ENPP3: variants seen among roughly 807,000 people sequenced by gnomAD.
ENPP3 encodes the protein ectonucleotide pyrophosphatase/phosphodiesterase 3.
A neutral mutation model predicts 117.8 loss-of-function variants in ENPP3; 104 were observed. The observed-to-expected ratio is 0.88, with a 90% CI of 0.75 to 1.04. ENPP3 has a LOEUF of 1.04. ENPP3 is among the 50% of genes least tolerant of loss of function. The pLI, the probability that ENPP3 is intolerant of heterozygous loss-of-function variation, is 0.00. For synonymous variants in ENPP3, 380 were observed against 349.9 expected (o/e 1.09, Z -0.96); for missense variants, 1,026 against 1,051.9 (o/e 0.98, Z 0.34).
rs539594236 is a variant in ENPP3 at position 131,719,159 on chromosome 6, G to A, written c.1479+421G>A. Among the ~76,000 whole-genome samples, 4 of 152,074 alleles carry A rather than the reference G, an allele frequency of 2.6e-5. No individual in the cohort carries two copies. The East Asian group carries it at 5.8e-4, about 22-fold the overall frequency. ...GGGGGCAGTAAGAAACTTTAAATAGGGTGGAAAGAGTAAGAGTCATTGAGT... is the reference window on the plus strand; with the variant it reads ...GGGGGCAGTAAGAAACTTTAAATAGAGTGGAAAGAGTAAGAGTCATTGAGT... On this transcript the variant is annotated intron_variant, in intron 16 of 24. Coordinates refer to ENST00000357639, the MANE Select transcript of ENPP3 (RefSeq NM_005021.5).
chr6:131,673,408 G>C (rs1165698525), intron 7 of ENPP3, among the ~76,000 whole-genome samples: 1 of 152,152 alleles, frequency 6.6e-6, no homozygotes, highest in Non-Finnish European at 1.5e-5. Flanking sequence ...AATGGAGCTG[G>C]AGACTATCAT....
intron 6 of ENPP3, among the ~76,000 whole-genome samples, chr6:131,670,675 C>T (rs1418322464): frequency 6.6e-6 from 1 of 151,918 alleles, no homozygotes; most frequent in Non-Finnish European, 1.5e-5. Flanking sequence ...AATTTTTATA[C>T]AGAAATGGGG....
Position 131,676,800 on chromosome 6 carries a change from A to T in ENPP3, c.937A>T (p.Arg313Ter). The T allele has an allele frequency of 6.2e-7, 1 of 1,604,544 alleles. No individual in the cohort carries two copies. Among genetic ancestry groups the T allele is most frequent in the Non-Finnish European group, 8.5e-7 (1 of 1,171,382 alleles). Residue 313 changes from arginine to a stop codon, truncating the protein, a stop_gained and splice_region_variant, in exon 10 of 25, where the codon AGA becomes TGA. Coordinates refer to ENST00000357639, the MANE Select transcript of ENPP3 (RefSeq NM_005021.5). LOFTEE classifies it high-confidence loss of function. ...ATGGCTGGACCTGCCCAAAGCTGAAAGGTAATGTCTAGTGTCAGAAAAGTG... is the reference window on the plus strand; with the variant it reads ...ATGGCTGGACCTGCCCAAAGCTGAATGGTAATGTCTAGTGTCAGAAAAGTG... ...LKWLDLPKAE[R>*]PRFYTMYFEE...
intron 1 of ENPP3, among the ~76,000 whole-genome samples, chr6:131,639,680 G>T (rs2114278121): frequency 6.6e-6 from 1 of 152,230 alleles, no homozygotes; most frequent in East Asian, 1.9e-4. Context: ...CCCAGTTAAA[G>T]CCAAATGATG....
chr6:131,742,244 T>G (rs1377927252), intron 24 of ENPP3, among the ~76,000 whole-genome samples: 1 of 152,146 alleles, frequency 6.6e-6, no homozygotes, highest in Admixed American at 6.6e-5. Flanking sequence ...TTTGTTTGGT[T>G]GAGACAAGGG....
In ENPP3 at chr6:131,726,195, C is replaced by A; in HGVS notation, c.1948C>A (p.Gln650Lys). ...CATGTGGAGTTCATACACAGTCCCCCAGTTGGTAAGTTCCTGAGTCCATTG... is the reference window on the plus strand; with the variant it reads ...CATGTGGAGTTCATACACAGTCCCCAAGTTGGTAAGTTCCTGAGTCCATTG... ...MPMWSSYTVP[Q>K]LGDTSPLPPT... The change falls in exon 20 of 25, where the codon CAG becomes AAG. Residue 650 changes from glutamine to lysine, a missense_variant. Physicochemically the swap from Gln to Lys is moderately conservative, Grantham distance 53. Transcript: ENST00000357639. 6.2e-7 allele frequency: 1 copy of A among 1,613,216 alleles called. No homozygotes were observed. Among genetic ancestry groups the A allele is most frequent in the East Asian group, 2.2e-5 (1 of 44,864 alleles).
At chr6:131,651,465 G>A (rs1041450082) in intron 3 of ENPP3, among the ~76,000 whole-genome samples, 12 of 152,132 alleles carry the variant, frequency 7.9e-5, no homozygotes, top group South Asian at 2.1e-4. Context: ...TTTTACTATG[G>A]CTTAAGTTCA....
intron 11 of ENPP3, among the ~76,000 whole-genome samples, chr6:131,679,089 T>TTCCTTCTTTC: frequency 1.2e-5 from 1 of 80,536 alleles, no homozygotes; most frequent in African/African-American, 6.1e-5. Context: ...TTCTTTCTTT[T>TTCCTTCTTTC]CTTCTTTCTT....
chr6:131,708,814 C>A (rs1437367920), intron 15 of ENPP3: 3 of 1,609,392 alleles, frequency 1.9e-6, no homozygotes, highest in Non-Finnish European at 1.7e-6. Flanking sequence ...TGGAAAATAA[C>A]CTCGAGAAGC....
chr6:131,732,980 G>T (rs1780319121), intron 20 of ENPP3, among the ~76,000 whole-genome samples: 1 of 151,484 alleles, frequency 6.6e-6, no homozygotes, highest in Admixed American at 6.6e-5. Context: ...GCCTGCCTCG[G>T]CCTCTCAAAG....
chr6:131,743,702 G>A (rs1448916973), intron 24 of ENPP3, among the ~76,000 whole-genome samples: 1 of 151,986 alleles, frequency 6.6e-6, no homozygotes, highest in Admixed American at 6.6e-5. Flanking sequence ...GTGCATGCCT[G>A]TCATCCCAGC....
chr6:131,655,021 C>A (rs139392021), intron 5 of ENPP3, among the ~76,000 whole-genome samples: 2 of 152,234 alleles, frequency 1.3e-5, no homozygotes, highest in East Asian at 3.9e-4. Flanking sequence ...ATTAAATGAC[C>A]TAAAGCGAGG....
At chr6:131,713,690 A>G (rs1443813865) in intron 15 of ENPP3, among the ~76,000 whole-genome samples, 1 of 152,156 alleles carries the variant, frequency 6.6e-6, no homozygotes, top group Non-Finnish European at 1.5e-5. Flanking sequence ...ACATTCTACT[A>G]TATAAAGATA....
At chr6:131,674,107 A>C in intron 7 of ENPP3, 55 bp from the exon 8 acceptor site, 2 of 1,118,860 alleles carry the variant, frequency 1.8e-6, no homozygotes, top group Non-Finnish European at 2.6e-6. Context: ...TTTTAATTTA[A>C]ATTTCTATTT....
intron 12 of ENPP3, among the ~76,000 whole-genome samples, chr6:131,685,104 G>A (rs1779123636): frequency 6.6e-6 from 1 of 152,204 alleles, no homozygotes; most frequent in East Asian, 1.9e-4. Flanking sequence ...ACTTTTAAAG[G>A]TAAAGGTTAT....
rs182598760 is a variant in ENPP3, at chr6:131,735,794, A to G, written c.2090-1561A>G. Among the ~76,000 whole-genome samples the G allele has an allele frequency of 4.6e-4, 70 of 152,248 alleles. 1 individual carries two copies. In the East Asian group the frequency reaches 8.3e-3, roughly 18 times the overall value. Reference sequence around the variant, plus strand: ...GTCAAATTCATAGAATCAGAGAGTGAAATGGTGGTTGCTGGGGGCTGGGGG... The same window carrying G: ...GTCAAATTCATAGAATCAGAGAGTGGAATGGTGGTTGCTGGGGGCTGGGGG... On this transcript the variant is annotated intron_variant, in intron 21 of 24. Coordinates refer to ENST00000357639, the MANE Select transcript of ENPP3 (RefSeq NM_005021.5).
intron 15 of ENPP3, among the ~76,000 whole-genome samples, 171 bp from the exon 16 acceptor site, chr6:131,718,501 A>G (rs902265839): frequency 6.6e-6 from 1 of 152,054 alleles, no homozygotes; most frequent in African/African-American, 2.4e-5. Context: ...ATATTTATTC[A>G]TTATTGATAT....
At chr6:131,725,712 G>A (rs1780140770) in intron 19 of ENPP3, among the ~76,000 whole-genome samples, 1 of 152,134 alleles carries the variant, frequency 6.6e-6, no homozygotes. Context: ...ACCTCTTCAT[G>A]TATATCCTCT....
At chr6:131,674,717 G>A (rs373054827) in intron 8 of ENPP3, among the ~76,000 whole-genome samples, 4 of 151,600 alleles carry the variant, frequency 2.6e-5, no homozygotes, top group African/African-American at 7.3e-5. Context: ...CTACAGGCAC[G>A]CACCACCACG....
Sources: gnomAD v4.1 joint callset for allele counts (sites outside exome capture counted in the v4.1 genomes callset) on GRCh38, gnomAD v4.1.1 for gene constraint, MANE v1.5 for transcripts, NCBI Gene and HGNC (gene_info 2026-07-23, HGNC 2026-07-21) for gene names.